The following RBM27 variants were observed in gnomAD, a reference collection of about 807,000 sequenced individuals.
RBM27 encodes RNA-binding protein 27.
Under a neutral mutation model 135.3 loss-of-function variants are expected in RBM27, and 22 were observed. The ratio of observed to expected loss-of-function variants is 0.16; its 90% confidence interval spans 0.12 to 0.23. The LOEUF is 0.23. Among genes scored for constraint, RBM27 ranks in the 10% least tolerant of loss-of-function variants. The pLI, the probability that RBM27 is intolerant of heterozygous loss-of-function variation, is 1.00. For synonymous variants in RBM27, 481 were observed against 442.4 expected, an observed-to-expected ratio of 1.09 and a Z score of -1.10; for missense variants, 1,009 against 1,281.0, an observed-to-expected ratio of 0.79 and a Z score of 3.24.
chr5:146,247,927 AT>A (rs1757701052), intron 8 of RBM27, among the ~76,000 whole-genome samples: 1 of 152,150 alleles, frequency 6.6e-6, no homozygotes, highest in Non-Finnish European at 1.5e-5. Flanking sequence ...GAAACTCTAA[AT>A]CTATAGTTTC....
In RBM27 at chr5:146,203,626, G is replaced by C. The variant is rs1004928726; in HGVS notation, c.-140G>C. On this transcript the variant is annotated 5_prime_UTR_variant, in exon 1 of 21. Transcript: ENST00000265271. ...GGTTAGTTCCTGTTAGGCCCCGGCC[G>C]GGGGAGTAGGTTGAAGTCTCCTAAG... 1 of 732,844 alleles carries C rather than the reference G, an allele frequency of 1.4e-6. No homozygotes were observed. Among genetic ancestry groups the C allele is most frequent in the Non-Finnish European group, 2.3e-6 (1 of 436,634 alleles). 45.4% of individuals were successfully genotyped at this position (732,844 alleles called of 1,614,324 possible). A position where few individuals can be genotyped will look rare whatever the true frequency, so the allele number is the denominator to read the frequency against.
rs761248535 is a variant in RBM27, at chr5:146,233,601, T to A, written c.1002T>A (p.Pro334=). The A allele has an allele frequency of 3.7e-6, 6 of 1,609,420 alleles. No homozygotes were observed. In the Admixed American group the frequency reaches 1.0e-4, roughly 27 times the overall value. The change falls in exon 7 of 21, where the codon CCT becomes CCA. Residue 334 remains proline (P), a synonymous_variant. Transcript: ENST00000265271. ...PPPPPPGMLM[P]PMPGPGPGPG... ...CACCACCTCCTGGAATGTTAATGCC[T>A]CCAATGCCAGGTCCAGGCCCAGGCC...
chr5:146,267,890 C>G (rs930583333), intron 15 of RBM27, 122 bp downstream of exon 15: 5 of 996,000 alleles, frequency 5.0e-6, no homozygotes, highest in Non-Finnish European at 7.4e-6. Context: ...GCTTATTTAG[C>G]TTCTTCTCTA....
intron 19 of RBM27, among the ~76,000 whole-genome samples, chr5:146,282,802 C>T (rs905083693): frequency 2.0e-5 from 3 of 152,086 alleles, no homozygotes; most frequent in Non-Finnish European, 4.4e-5. Context: ...AGATTCTTAC[C>T]AGTTTAGAAT....
chr5:146,235,243 A>G (rs1450812067), intron 7 of RBM27, among the ~76,000 whole-genome samples: 1 of 152,124 alleles, frequency 6.6e-6, no homozygotes, highest in African/African-American at 2.4e-5. Context: ...TCCCTGCAGT[A>G]ATAAAGTATT....
At chr5:146,235,033 AAAATAAATAAATAAATAAATAAAT>A (rs59434635) in intron 7 of RBM27, among the ~76,000 whole-genome samples, 1 of 139,462 alleles carries the variant, frequency 7.2e-6, no homozygotes, top group East Asian at 2.1e-4. Context: ...CCCTGTCTCA[AAAATAAATAAATAAATAAATAAAT>A]AAATAAATAA....
intron 19 of RBM27, among the ~76,000 whole-genome samples, chr5:146,283,990 T>G (rs1047702334): frequency 6.6e-6 from 1 of 152,170 alleles, no homozygotes; most frequent in African/African-American, 2.4e-5. Context: ...GTCTTTAAAA[T>G]TTGCTTTCCC....
In RBM27 at chr5:146,232,334, C is replaced by T. The variant is rs1304990532; in HGVS notation, c.851-1116C>T. Among the ~76,000 whole-genome samples the T allele has an allele frequency of 2.0e-5, 3 of 152,182 alleles. No homozygotes were observed. In the South Asian group the frequency reaches 6.2e-4, roughly 32 times the overall value. On this transcript the variant is annotated intron_variant, in intron 6 of 20. Coordinates refer to ENST00000265271, the MANE Select transcript of RBM27 (RefSeq NM_018989.2). ...GCCCTAATCTCTCAGCCATAGAATA[C>T]TCCTTGCCAAGGCCAACGTAATGTT... is the stretch of plus-strand genomic sequence containing the variant.
chr5:146,255,189 G>T, intron 10 of RBM27, 97 bp downstream of exon 10: 1 of 1,100,386 alleles, frequency 9.1e-7, no homozygotes, highest in African/African-American at 1.6e-5. Context: ...AGGAAATTAA[G>T]GTCCAAATTA....
intron 19 of RBM27, among the ~76,000 whole-genome samples, chr5:146,284,419 TG>T (rs1759498913): frequency 1.3e-5 from 2 of 152,298 alleles, no homozygotes; most frequent in African/African-American, 4.8e-5. Context: ...ATATAAACCA[TG>T]GGTTATCCTA....
chr5:146,248,818 C>T (rs1171135222), intron 8 of RBM27, among the ~76,000 whole-genome samples: 2 of 152,060 alleles, frequency 1.3e-5, no homozygotes, highest in South Asian at 4.1e-4. Context: ...GGCAAAGTAG[C>T]CTTTTGGTTT....
intron 1 of RBM27, among the ~76,000 whole-genome samples, chr5:146,215,373 T>C (rs1235720444): frequency 6.6e-6 from 1 of 152,188 alleles, no homozygotes; most frequent in East Asian, 1.9e-4. Flanking sequence ...CTTAAACCCA[T>C]TTCAGTTATC....
intron 8 of RBM27, among the ~76,000 whole-genome samples, chr5:146,238,321 C>T (rs1757257828): frequency 6.6e-6 from 1 of 152,038 alleles, no homozygotes; most frequent in Admixed American, 6.6e-5. Context: ...CCATCCTGAC[C>T]AACATGGAGA....
At chr5:146,258,149 G>C (rs1240763451) in intron 10 of RBM27, among the ~76,000 whole-genome samples, 1 of 152,098 alleles carries the variant, frequency 6.6e-6, no homozygotes, top group African/African-American at 2.4e-5. Context: ...GTAATTTTTG[G>C]AGTGGTACTT....
At chr5:146,270,619 AT>A (rs1322680909) in intron 17 of RBM27, among the ~76,000 whole-genome samples, 1 of 152,136 alleles carries the variant, frequency 6.6e-6, no homozygotes, top group Non-Finnish European at 1.5e-5. Flanking sequence ...TTATAAATAC[AT>A]TTTTACTATA....
chr5:146,205,943 C>A lies in RBM27; in HGVS notation c.59+2119C>A, dbSNP rs1025837327. 2.6e-5 allele frequency among the ~76,000 whole-genome samples: 4 copies of A among 152,002 alleles called. No individual in the cohort carries two copies. In the South Asian group the frequency reaches 8.3e-4, roughly 32 times the overall value. ...CTGAGGCAGAAGAATCGCTTGAATCCCAGGAAGTGTAGGTTTCAGTGAGCC... is the reference window on the plus strand; with the variant it reads ...CTGAGGCAGAAGAATCGCTTGAATCACAGGAAGTGTAGGTTTCAGTGAGCC... On this transcript the variant is annotated intron_variant, in intron 1 of 20. Coordinates refer to ENST00000265271, the MANE Select transcript of RBM27 (RefSeq NM_018989.2).
At chr5:146,208,386 T>C (rs1755794825) in intron 1 of RBM27, among the ~76,000 whole-genome samples, 1 of 152,238 alleles carries the variant, frequency 6.6e-6, no homozygotes, top group East Asian at 1.9e-4. Flanking sequence ...TGTCTATTAC[T>C]TTTATTAGAG....
chr5:146,242,992 A>G (rs1453404335), intron 8 of RBM27, among the ~76,000 whole-genome samples: 1 of 151,978 alleles, frequency 6.6e-6, no homozygotes, highest in Non-Finnish European at 1.5e-5. Context: ...TGGGCTGGGC[A>G]TGGTGGCTCA....
At chr5:146,224,630 C>T (rs973762280) in intron 3 of RBM27, among the ~76,000 whole-genome samples, 3 of 151,708 alleles carry the variant, frequency 2.0e-5, no homozygotes, top group Non-Finnish European at 2.9e-5. Flanking sequence ...TGCAGTGAGC[C>T]GAGATCATAC....
Sources: gnomAD v4.1 joint callset for allele counts (sites outside exome capture counted in the v4.1 genomes callset) on GRCh38, gnomAD v4.1.1 for gene constraint, MANE v1.5 for transcripts, NCBI Gene and HGNC (gene_info 2026-07-23, HGNC 2026-07-21) for gene names.